SH3BGR: variants seen among roughly 807,000 people sequenced by gnomAD.
SH3BGR encodes SH3 domain-binding glutamic acid-rich protein.
Under a neutral mutation model 24.5 loss-of-function variants are expected in SH3BGR, and 29 were observed. That is an observed-to-expected ratio of 1.18 (90% CI 0.88 to 1.61). The LOEUF (loss-of-function observed/expected upper bound fraction) is 1.61. Among genes scored for constraint, SH3BGR ranks in the 40% most tolerant of loss-of-function variants. SH3BGR has a pLI of 0.00. For missense variants in SH3BGR, 162 were observed against 205.8 expected (o/e 0.79, Z 1.30); for synonymous variants, 55 against 65.7 (o/e 0.84, Z 0.79).
intron 1 of SH3BGR, among the ~76,000 whole-genome samples, chr21:39,453,620 T>A (rs2837038): frequency 6.6e-6 from 1 of 151,952 alleles, no homozygotes; most frequent in Admixed American, 6.6e-5. Flanking sequence ...TAGTTAGCTT[T>A]GGATGACCTG....
chr21:39,474,201 A>T (rs2077989931), intron 2 of SH3BGR, among the ~76,000 whole-genome samples: 1 of 152,126 alleles, frequency 6.6e-6, no homozygotes, highest in Admixed American at 6.5e-5. Flanking sequence ...CTCATGTTCA[A>T]GGAATCCTCC....
At chr21:39,475,322 T>A (rs2078009879) in intron 3 of SH3BGR, 107 bp downstream of exon 3, 4 of 712,808 alleles carry the variant, frequency 5.6e-6, no homozygotes, top group Middle Eastern at 2.4e-4. Context: ...TAAATTAACA[T>A]TACTTTAGTA....
At chr21:39,462,710 A>G (rs2840267) in intron 2 of SH3BGR, 150 bp downstream of exon 2, 89,730 of 493,064 alleles carry the variant, frequency 0.18, 8,978 homozygotes, top group Middle Eastern at 0.3. Flanking sequence ...TGGTAGATCC[A>G]TTATGAATAA....
intron 1 of SH3BGR, among the ~76,000 whole-genome samples, chr21:39,459,393 T>G (rs1380329746): frequency 6.6e-6 from 1 of 152,036 alleles, no homozygotes; most frequent in Non-Finnish European, 1.5e-5. Flanking sequence ...CCCAGCTAAT[T>G]TTTGTATTTT....
rs2077968511 is a variant in SH3BGR, at chr21:39,473,082, G to T, written c.232-2053G>T. Among the ~76,000 whole-genome samples, 4 of 152,152 alleles carry T rather than the reference G, an allele frequency of 2.6e-5. No homozygotes were observed. The South Asian group carries it at 8.3e-4, about 32-fold the overall frequency. On this transcript the variant is annotated intron_variant, in intron 2 of 6. Coordinates refer to ENST00000333634, the MANE Select transcript of SH3BGR (RefSeq NM_007341.3). The stretch of plus-strand genomic sequence containing the variant: ...TCTAATCTGCCATAGTAGCAGAACT[G>T]GGAGTTGAAAACCTGTTTTATGTTC...
chr21:39,496,888 A>T (rs1043541451), intron 3 of SH3BGR, among the ~76,000 whole-genome samples: 2 of 152,110 alleles, frequency 1.3e-5, no homozygotes, highest in Admixed American at 6.5e-5. Context: ...AAGGAATGAA[A>T]ATTTTCTAAA....
intron 3 of SH3BGR, among the ~76,000 whole-genome samples, chr21:39,492,610 A>G (rs2078324427): frequency 6.6e-6 from 1 of 151,888 alleles, no homozygotes; most frequent in South Asian, 2.1e-4. Context: ...TTTTTGTATA[A>G]TGACTTCTTT....
chr21:39,458,627 T>C (rs2077704201), intron 1 of SH3BGR, among the ~76,000 whole-genome samples: 3 of 150,638 alleles, frequency 2.0e-5, no homozygotes, highest in Admixed American at 6.6e-5. Context: ...CATGAGCCAC[T>C]GTGCCTGGCC....
intron 3 of SH3BGR, among the ~76,000 whole-genome samples, chr21:39,479,881 A>G (rs1412140430): frequency 6.6e-6 from 1 of 152,052 alleles, no homozygotes; most frequent in Non-Finnish European, 1.5e-5. Context: ...TTTTTCCTGC[A>G]AAAAGACTTC....
chr21:39,468,806 A>C (rs1394543358), intron 2 of SH3BGR, among the ~76,000 whole-genome samples: 1 of 152,178 alleles, frequency 6.6e-6, no homozygotes, highest in Non-Finnish European at 1.5e-5. Flanking sequence ...TTACTATGAC[A>C]CATGTGTTCC....
In SH3BGR at chr21:39,491,294, C is replaced by T. The variant is rs182623067; in HGVS notation, c.313-8529C>T. On this transcript the variant is annotated intron_variant, in intron 3 of 6. Transcript: ENST00000333634. ...TCTCCCAAATAGCTGGGACTACAGG[C>T]GGGTGCCACCACACTGGGCTGTTTT... 1.8e-3 allele frequency among the ~76,000 whole-genome samples: 271 copies of T among 151,864 alleles called. 1 individual carries two copies. The highest frequency in any genetic ancestry group is 6.1e-3 in the African/African-American group (255 of 41,480).
chr21:39,499,035 A>G (rs1466999272), intron 3 of SH3BGR, among the ~76,000 whole-genome samples: 4 of 152,172 alleles, frequency 2.6e-5, no homozygotes, highest in Non-Finnish European at 5.9e-5. Context: ...TGCTGAACGA[A>G]GAGGGAAGAA....
At chr21:39,460,935 G>T (rs1299810036) in intron 1 of SH3BGR, among the ~76,000 whole-genome samples, 1 of 152,040 alleles carries the variant, frequency 6.6e-6, no homozygotes, top group African/African-American at 2.4e-5. Context: ...TTATAGGCGT[G>T]AGCCACATTG....
At chr21:39,507,246 A>G (rs1417210006) in intron 4 of SH3BGR, among the ~76,000 whole-genome samples, 4 of 152,192 alleles carry the variant, frequency 2.6e-5, no homozygotes, top group African/African-American at 9.7e-5. Flanking sequence ...ATAGGAAGGT[A>G]TTGTTCTGGA....
chr21:39,502,535 C>T (rs1230596810), intron 4 of SH3BGR, among the ~76,000 whole-genome samples: 1 of 152,222 alleles, frequency 6.6e-6, no homozygotes, highest in East Asian at 1.9e-4. Flanking sequence ...CATTTGGTTC[C>T]TAAGACTCCT....
intron 3 of SH3BGR, chr21:39,488,621 G>T (rs1002627028): frequency 9.2e-6 from 3 of 325,702 alleles, no homozygotes; most frequent in East Asian, 1.5e-4. Flanking sequence ...TATATGGAAG[G>T]TCTTTGGGTG....
intron 1 of SH3BGR, among the ~76,000 whole-genome samples, chr21:39,461,491 A>G (rs959117054): frequency 1.3e-5 from 2 of 152,146 alleles, no homozygotes; most frequent in African/African-American, 4.8e-5. Context: ...CAGTCAGACC[A>G]AAAAATGGTT....
At chr21:39,485,526 T>C (rs896172748) in intron 3 of SH3BGR, among the ~76,000 whole-genome samples, 1 of 152,138 alleles carries the variant, frequency 6.6e-6, no homozygotes, top group African/African-American at 2.4e-5. Context: ...AGACAAAAAT[T>C]ACTATCATCC....
At position 39,511,262 on chromosome 21, in the gene SH3BGR, G is replaced by A. The variant is rs1487931976; in HGVS notation, c.436-418G>A. Among the ~76,000 whole-genome samples the A allele has an allele frequency of 2.7e-5, 4 of 150,512 alleles. No homozygotes were observed. The highest frequency in any genetic ancestry group is 2.1e-4 in the South Asian group (1 of 4,762). Reference sequence around the variant, plus strand: ...TGGTGTGGAGGGTATGTATGTGTATGTGTGATGTGTATGTGTATATTGTGT... The same window carrying A: ...TGGTGTGGAGGGTATGTATGTGTATATGTGATGTGTATGTGTATATTGTGT... On this transcript the variant is annotated intron_variant, in intron 5 of 6. Transcript: ENST00000333634. The surrounding 1 kb of genome is among the most constrained non-coding windows in gnomAD (Gnocchi z 4.2).
Sources: gnomAD v4.1 joint callset for allele counts (sites outside exome capture counted in the v4.1 genomes callset) on GRCh38, gnomAD v4.1.1 for gene constraint, Gnocchi (gnomAD v3.1) non-coding constraint, MANE v1.5 for transcripts, NCBI Gene and HGNC (gene_info 2026-07-23, HGNC 2026-07-21) for gene names.